CNTN4: variants seen among roughly 807,000 people sequenced by gnomAD.
CNTN4 encodes contactin-4.
A neutral mutation model predicts 122.5 loss-of-function variants in CNTN4; 77 were observed. The observed-to-expected ratio is 0.63, with a 90% CI of 0.52 to 0.76. CNTN4 has a LOEUF of 0.76. Ranked by LOEUF, CNTN4 falls within the 30% of genes least tolerant of loss-of-function variation. The pLI is 0.00. For synonymous variants in CNTN4, 512 were observed against 447.0 expected (o/e 1.15, Z -1.83); for missense variants, 1,256 against 1,259.1 (o/e 1.00, Z 0.04).
chr3:2,279,670 T>G (rs1409874943), intron 2 of CNTN4, among the ~76,000 whole-genome samples: 1 of 152,148 alleles, frequency 6.6e-6, no homozygotes, highest in Non-Finnish European at 1.5e-5. Context: ...TTGCCTGTTT[T>G]TGTAACCCAA....
intron 4 of CNTN4, among the ~76,000 whole-genome samples, chr3:2,700,946 A>T (rs1244427929): frequency 6.6e-6 from 1 of 152,044 alleles, no homozygotes; most frequent in African/African-American, 2.4e-5. Flanking sequence ...TTTGTTTTTC[A>T]CCCAGATTTT....
intron 23 of CNTN4, among the ~76,000 whole-genome samples, chr3:3,046,585 T>G (rs1460244860): frequency 6.6e-6 from 1 of 152,010 alleles, no homozygotes; most frequent in Non-Finnish European, 1.5e-5. Flanking sequence ...TGCTGAGAGA[T>G]TTTGTCACCA....
intron 3 of CNTN4, among the ~76,000 whole-genome samples, chr3:2,391,807 T>A (rs1336277602): frequency 6.6e-6 from 1 of 152,176 alleles, no homozygotes; most frequent in Non-Finnish European, 1.5e-5. Context: ...AAACTTACCG[T>A]AGCTAGCTTT....
At chr3:2,644,705 T>G (rs1345241662) in intron 4 of CNTN4, among the ~76,000 whole-genome samples, 2 of 149,324 alleles carry the variant, frequency 1.3e-5, no homozygotes, top group Non-Finnish European at 3.0e-5. Flanking sequence ...CTAGGACATT[T>G]GGGCTCTCTG....
chr3:2,709,092 A>G lies in CNTN4; in HGVS notation c.56-27123A>G, dbSNP rs1028556761. ...TCTGCTGCCACTGAATTTCATTTAG[A>G]CCTCGGTGGCTGAGTTTTTAAGCTA... On this transcript the variant is annotated intron_variant, in intron 4 of 24. Coordinates refer to ENST00000418658, the MANE Select transcript of CNTN4 (RefSeq NM_175607.3). This position sits in a 1 kb window ranked among gnomAD's most constrained non-coding sequence, Gnocchi z 5.0. Among the ~76,000 whole-genome samples the G allele has an allele frequency of 3.3e-5, 5 of 152,060 alleles. No homozygotes were observed. The highest frequency in any genetic ancestry group is 2.0e-4 in the Admixed American group (3 of 15,268).
At chr3:2,446,267 T>C (rs959006549) in intron 3 of CNTN4, among the ~76,000 whole-genome samples, 26 of 152,166 alleles carry the variant, frequency 1.7e-4, no homozygotes, top group African/African-American at 6.3e-4. Context: ...AGAACGTGGG[T>C]TCTTTATTCC....
intron 7 of CNTN4, among the ~76,000 whole-genome samples, chr3:2,842,146 T>C (rs1360328969): frequency 6.6e-6 from 1 of 152,152 alleles, no homozygotes; most frequent in Non-Finnish European, 1.5e-5. Context: ...CTTCTAGGAA[T>C]TGAGCTTATA....
At chr3:2,575,803 CTTCTTCT>C (rs1559257284) in intron 4 of CNTN4, among the ~76,000 whole-genome samples, 3 of 103,332 alleles carry the variant, frequency 2.9e-5, no homozygotes, top group Non-Finnish European at 1.7e-5. Context: ...TTGCTTTCTT[CTTCTTCT>C]TTTTTTTTTT....
intron 4 of CNTN4, among the ~76,000 whole-genome samples, chr3:2,670,456 C>T (rs1222242694): frequency 2.6e-5 from 4 of 152,148 alleles, no homozygotes; most frequent in Non-Finnish European, 5.9e-5. Flanking sequence ...GTAGATCTTC[C>T]TCCATCCCTT....
intron 4 of CNTN4, among the ~76,000 whole-genome samples, chr3:2,572,419 C>T (rs1007542440): frequency 3.3e-5 from 5 of 151,174 alleles, no homozygotes; most frequent in Non-Finnish European, 5.9e-5. Flanking sequence ...AAGAAAACTT[C>T]ACACATACTC....
At chr3:2,716,897 G>T (rs1325698216) in intron 4 of CNTN4, among the ~76,000 whole-genome samples, 5 of 151,944 alleles carry the variant, frequency 3.3e-5, no homozygotes, top group African/African-American at 1.2e-4. Context: ...TTCTGTATCT[G>T]CTTCTTTCAC....
chr3:2,389,203 A>T (rs1391287423), intron 3 of CNTN4, among the ~76,000 whole-genome samples: 1 of 151,366 alleles, frequency 6.6e-6, no homozygotes, highest in African/African-American at 2.4e-5. Flanking sequence ...AACTCTTGCC[A>T]CTCATTCCTG....
chr3:2,769,789 C>T (rs1160720796), intron 6 of CNTN4, among the ~76,000 whole-genome samples: 1 of 152,146 alleles, frequency 6.6e-6, no homozygotes, highest in Non-Finnish European at 1.5e-5. Flanking sequence ...TTGCCTGCAG[C>T]ACAGGCCCTT....
At chr3:3,021,538 T>C (rs968563792) in intron 14 of CNTN4, among the ~76,000 whole-genome samples, 2 of 152,208 alleles carry the variant, frequency 1.3e-5, no homozygotes, top group African/African-American at 4.8e-5. Flanking sequence ...ACAACTCTAC[T>C]GAAAGGCATC....
At chr3:2,654,597 G>T (rs866776006) in intron 4 of CNTN4, among the ~76,000 whole-genome samples, 2 of 152,256 alleles carry the variant, frequency 1.3e-5, no homozygotes, top group East Asian at 3.9e-4. Context: ...AGCCTAGTCA[G>T]GTCAGTCCAC....
chr3:2,873,268 C>T (rs2093806682), intron 8 of CNTN4, among the ~76,000 whole-genome samples: 1 of 152,218 alleles, frequency 6.6e-6, no homozygotes. Context: ...ATTCCAGTCA[C>T]AACTTTCTAG....
At chr3:2,161,140 TGAG>T (rs542504990) in intron 2 of CNTN4, among the ~76,000 whole-genome samples, 69 of 152,088 alleles carry the variant, frequency 4.5e-4, no homozygotes, top group African/African-American at 1.5e-3. Context: ...GGATGGTATC[TGAG>T]GAGGTACAGG....
intron 2 of CNTN4, among the ~76,000 whole-genome samples, chr3:2,252,732 G>T (rs1029526628): frequency 1.3e-5 from 2 of 151,996 alleles, no homozygotes; most frequent in African/African-American, 4.8e-5. Context: ...AGTACATCTT[G>T]GCTTGATGAT....
chr3:2,743,499 T>C (rs900946806), intron 5 of CNTN4, among the ~76,000 whole-genome samples: 4 of 152,234 alleles, frequency 2.6e-5, no homozygotes, highest in African/African-American at 9.6e-5. Context: ...TCTACCTTTC[T>C]TACCTCTCTT....
Sources: allele counts gnomAD v4.1 joint callset (sites outside exome capture counted in the v4.1 genomes callset), GRCh38; gene constraint gnomAD v4.1.1; non-coding constraint Gnocchi (gnomAD v3.1); transcripts MANE v1.5; gene names NCBI Gene and HGNC (gene_info 2026-07-23, HGNC 2026-07-21).